Variants in NOL10 observed in about 807,000 individuals in gnomAD.
NOL10 encodes the protein H_NH0074G24.1.
In NOL10, 58 loss-of-function variants were observed where a neutral mutation model predicts 103.5. The observed-to-expected ratio is 0.56, with a 90% CI of 0.45 to 0.70. NOL10 has a LOEUF of 0.70. NOL10 is among the 30% of genes least tolerant of loss of function. NOL10 has a pLI of 0.00. For synonymous variants in NOL10, 287 were observed against 282.5 expected (o/e 1.02, Z -0.16); for missense variants, 763 against 807.3 (o/e 0.95, Z 0.67).
At chr2:10,686,378 T>G (rs1036981194) in intron 1 of NOL10, among the ~76,000 whole-genome samples, 2 of 152,182 alleles carry the variant, frequency 1.3e-5, no homozygotes, top group South Asian at 2.1e-4. Context: ...GCAGTGAGAC[T>G]TGTGAGGCCA....
intron 13 of NOL10, among the ~76,000 whole-genome samples, chr2:10,610,418 C>A (rs566844728): frequency 3.3e-5 from 5 of 152,158 alleles, no homozygotes; most frequent in Non-Finnish European, 7.4e-5. Context: ...GGTAAATAAT[C>A]TCTGCAATCA....
chr2:10,658,570 A>AT (rs1679994028), intron 10 of NOL10, among the ~76,000 whole-genome samples: 1 of 151,928 alleles, frequency 6.6e-6, no homozygotes, highest in South Asian at 2.1e-4. Context: ...ATGATGCTAT[A>AT]TTAAAAAAAA....
At position 10,572,244 on chromosome 2, in the gene NOL10, T is replaced by A. The variant is rs1307435425; in HGVS notation, c.1948-54A>T. ...GAAAGAGAGAAAATTCTATACCTCTTTTCTGGTAACCGTCAGGCTGCCAAC... is the reference window on the plus strand; with the variant it reads ...GAAAGAGAGAAAATTCTATACCTCTATTCTGGTAACCGTCAGGCTGCCAAC... On this transcript the variant is annotated intron_variant, in intron 20 of 20. Transcript: ENST00000381685. 4 of 1,597,006 alleles carry A rather than the reference T, an allele frequency of 2.5e-6. No individual in the cohort carries two copies. In the Admixed American group the frequency reaches 5.1e-5, roughly 20 times the overall value.
chr2:10,578,840 C>T (rs142392669), intron 19 of NOL10, among the ~76,000 whole-genome samples: 3 of 152,100 alleles, frequency 2.0e-5, no homozygotes, highest in Admixed American at 1.3e-4. Context: ...GAGAGAGATG[C>T]GAGGGAAGAC....
intron 17 of NOL10, among the ~76,000 whole-genome samples, chr2:10,591,335 A>G (rs1675378160): frequency 6.6e-6 from 1 of 152,172 alleles, no homozygotes; most frequent in Non-Finnish European, 1.5e-5. Flanking sequence ...AGGAGAGGAC[A>G]GAAAAAGGAA....
intron 13 of NOL10, among the ~76,000 whole-genome samples, chr2:10,633,457 A>G (rs1677973344): frequency 6.6e-6 from 1 of 151,326 alleles, no homozygotes. Context: ...ATATATTGAT[A>G]TATTATTAAT....
At chr2:10,681,651 A>G (rs1681768944) in intron 3 of NOL10, among the ~76,000 whole-genome samples, 1 of 152,228 alleles carries the variant, frequency 6.6e-6, no homozygotes, top group African/African-American at 2.4e-5. Flanking sequence ...ACTCCAGCTA[A>G]TGATATACTT....
At chr2:10,618,899 C>A (rs73167849) in intron 13 of NOL10, among the ~76,000 whole-genome samples, 2,054 of 152,310 alleles carry the variant, frequency 0.013, 56 homozygotes, top group African/African-American at 0.047. Flanking sequence ...AATCAATTCA[C>A]TCCTTTTCCT....
intron 3 of NOL10, among the ~76,000 whole-genome samples, chr2:10,679,440 G>C (rs1377020982): frequency 2.0e-5 from 3 of 152,024 alleles, no homozygotes; most frequent in African/African-American, 7.2e-5. Flanking sequence ...GCTGAGGAAG[G>C]AGGATGGCTT....
intron 5 of NOL10, among the ~76,000 whole-genome samples, chr2:10,672,504 CA>C (rs1348190573): frequency 2.6e-5 from 4 of 151,930 alleles, no homozygotes; most frequent in African/African-American, 7.3e-5. Flanking sequence ...TGACATGTTC[CA>C]AAACGTATGA....
Position 10,667,198 on chromosome 2 carries a change from T to TAG in NOL10, c.591+19_591+20insCT, listed in dbSNP as rs1680620479. 6.5e-7 allele frequency: 1 copy of TAG among 1,535,960 alleles called. No homozygotes were observed. The highest frequency in any genetic ancestry group is 8.8e-7 in the Non-Finnish European group (1 of 1,130,234). On this transcript the variant is annotated intron_variant, in intron 8 of 20. Transcript: ENST00000381685. ...AATATAAAACAAATATTCTAAAAAA[T>TAG]AAAGTCAACATATGCTTACCTCTAT...
rs558094206 is a variant in NOL10, at chr2:10,621,188, T to TA, written c.1027-13878dup. 4.7e-3 allele frequency among the ~76,000 whole-genome samples: 710 copies of TA among 151,936 alleles called. 4 individuals are homozygous for TA. The highest frequency in any genetic ancestry group is 5.8e-3 in the Non-Finnish European group (393 of 67,932). On this transcript the variant is annotated intron_variant, in intron 13 of 20. Coordinates refer to ENST00000381685, the MANE Select transcript of NOL10 (RefSeq NM_024894.4). The stretch of plus-strand genomic sequence containing the variant: ...CAAAAAGAATATGAAGAGCTTTATT[T>TA]AAAAAAAACCATACACATAACGAAA...
At chr2:10,648,945 CA>C (rs1301465127) in intron 12 of NOL10, among the ~76,000 whole-genome samples, 1 of 150,622 alleles carries the variant, frequency 6.6e-6, no homozygotes. Flanking sequence ...TATCCTGGTT[CA>C]AAAAAACACA....
chr2:10,609,778 C>T (rs1286558775), intron 13 of NOL10, among the ~76,000 whole-genome samples: 1 of 152,136 alleles, frequency 6.6e-6, no homozygotes, highest in Non-Finnish European at 1.5e-5. Flanking sequence ...CCTAAAACAG[C>T]AATCTTTTCT....
intron 14 of NOL10, among the ~76,000 whole-genome samples, chr2:10,603,638 T>C (rs896074520): frequency 6.6e-6 from 1 of 152,176 alleles, no homozygotes; most frequent in East Asian, 1.9e-4. Flanking sequence ...TACCACCATA[T>C]ATAAACATAC....
Position 10,673,668 on chromosome 2 carries a change from TTTTTCTGCC to T in NOL10, c.290-120_290-112del, listed in dbSNP as rs1681099701. 1.3e-5 allele frequency: 8 copies of T among 616,342 alleles called. No individual in the cohort carries two copies. The South Asian group carries it at 1.7e-4, about 13-fold the overall frequency. 38.2% of individuals were successfully genotyped at this position (616,342 alleles called of 1,614,324 possible). The stretch of plus-strand genomic sequence containing the variant: ...CACAGAAATTATATACATACCAGTT[TTTTTCTGCC>T]TCTACGTGAAACAAGAAGAAAATTG... On this transcript the variant is annotated intron_variant, in intron 4 of 20. Coordinates refer to ENST00000381685, the MANE Select transcript of NOL10 (RefSeq NM_024894.4).
At chr2:10,685,315 A>G (rs1682075284) in intron 1 of NOL10, among the ~76,000 whole-genome samples, 1 of 151,914 alleles carries the variant, frequency 6.6e-6, no homozygotes, top group Non-Finnish European at 1.5e-5. Flanking sequence ...CAACATGGTG[A>G]AACCCCGTCT....
intron 11 of NOL10, among the ~76,000 whole-genome samples, chr2:10,656,328 A>G (rs190987289): frequency 1.4e-4 from 21 of 152,350 alleles, no homozygotes; most frequent in African/African-American, 5.1e-4. Context: ...CTTCAAACTC[A>G]AAGCCAACAA....
At chr2:10,673,298 C>A in intron 5 of NOL10, 1 of 371,612 alleles carries the variant, frequency 2.7e-6, no homozygotes. Context: ...GAAAAATTAC[C>A]TTTGATATTA....
Sources: gnomAD v4.1 joint callset for allele counts (sites outside exome capture counted in the v4.1 genomes callset) on GRCh38, gnomAD v4.1.1 for gene constraint, MANE v1.5 for transcripts, NCBI Gene and HGNC (gene_info 2026-07-23, HGNC 2026-07-21) for gene names.